The following TMEM94 variants were observed in gnomAD, a reference collection of about 807,000 sequenced individuals.
The protein encoded by TMEM94 is transmembrane protein 94.
Under a neutral mutation model 158.6 loss-of-function variants are expected in TMEM94, and 81 were observed. That is an observed-to-expected ratio of 0.51 (90% CI 0.43 to 0.61). The LOEUF is 0.61. Ranked by LOEUF, TMEM94 falls within the 20% of genes least tolerant of loss-of-function variation. TMEM94 has a pLI of 0.00. For synonymous variants in TMEM94, 751 were observed against 730.7 expected (o/e 1.03, Z -0.45); for missense variants, 1,435 against 1,762.0 (o/e 0.81, Z 3.32).
intron 18 of TMEM94, 58 bp from the exon 19 acceptor site, chr17:75,494,569 C>A (rs1325860723): frequency 6.4e-7 from 1 of 1,568,352 alleles, no homozygotes; most frequent in South Asian, 1.2e-5. Context: ...GTGTGTGTGG[C>A]CCTGGGCTGG....
At position 75,490,774 on chromosome 17, in the gene TMEM94, G is replaced by A. The variant is rs749946241; in HGVS notation, c.1128+16G>A. On this transcript the variant is annotated intron_variant, in intron 11 of 31. Coordinates refer to ENST00000314256, the MANE Select transcript of TMEM94 (RefSeq NM_014738.6). Reference sequence around the variant, plus strand: ...CTCCTCTCAGGTACAACACTGACCCGGGATGGCTTCTCTCGCAGGTCCCTA... The same window carrying A: ...CTCCTCTCAGGTACAACACTGACCCAGGATGGCTTCTCTCGCAGGTCCCTA... 1.2e-4 allele frequency: 194 copies of A among 1,611,772 alleles called. No homozygotes were observed. The highest frequency in any genetic ancestry group is 5.8e-4 in the South Asian group (53 of 91,026).
intron 1 of TMEM94, among the ~76,000 whole-genome samples, chr17:75,468,482 C>T (rs1215592630): frequency 6.6e-6 from 1 of 152,346 alleles, no homozygotes; most frequent in Non-Finnish European, 1.5e-5. Context: ...GAGCTGCAGT[C>T]GTAAGCAGGA....
In TMEM94 at chr17:75,491,921, G is replaced by A. The variant is rs754431879; in HGVS notation, c.1596+21G>A. 2.1e-5 allele frequency: 34 copies of A among 1,594,508 alleles called. No homozygotes were observed. Among genetic ancestry groups the A allele is most frequent in the Middle Eastern group, 1.7e-4 (1 of 5,912 alleles). On this transcript the variant is annotated intron_variant, in intron 14 of 31. Transcript: ENST00000314256. This position sits in a 1 kb window ranked among gnomAD's most constrained non-coding sequence, Gnocchi z 5.1. Reference sequence around the variant, plus strand: ...GCAAGGTGACGGGAGGGGGTGGCACGGGGCAGCCACACCCTCGGCCACAGG... The same window carrying A: ...GCAAGGTGACGGGAGGGGGTGGCACAGGGCAGCCACACCCTCGGCCACAGG...
Position 75,478,313 on chromosome 17 carries a change from G to A in TMEM94, c.24+6384G>A, listed in dbSNP as rs1396441797. Among the ~76,000 whole-genome samples, 30 of 134,788 alleles carry A rather than the reference G, an allele frequency of 2.2e-4. No homozygotes were observed. The East Asian group carries it at 4.3e-3, about 19-fold the overall frequency. The allele number at this position is 134,788 out of a possible 152,430, so 88.4% of individuals were successfully genotyped here. The stretch of plus-strand genomic sequence containing the variant: ...ATTACAGGCGTGAGCCACCGCGCCC[G>A]GCCGAGACTCCATCTTAAAAAAAAA... On this transcript the variant is annotated intron_variant, in intron 2 of 31. Coordinates refer to ENST00000314256, the MANE Select transcript of TMEM94 (RefSeq NM_014738.6).
In TMEM94 at chr17:75,486,382, G is replaced by T. The variant is rs143448418; in HGVS notation, c.365G>T (p.Arg122Leu). The T allele has an allele frequency of 8.1e-5, 131 of 1,614,196 alleles. No homozygotes were observed. The African/African-American group carries it at 1.6e-3, about 20-fold the overall frequency. ...LIGRQDRLKR[R>L]EVERRLRGII... ...GGGCGGCAAGACCGGCTGAAGCGTCGGGAGGTAGAGCGGAGGCTGCGAGGG... is the reference window on the plus strand; with the variant it reads ...GGGCGGCAAGACCGGCTGAAGCGTCTGGAGGTAGAGCGGAGGCTGCGAGGG... The change falls in exon 5 of 32, where the codon CGG becomes CTG. Residue 122 changes from arginine (R) to leucine (L), a missense_variant. Physicochemically the swap from Arg to Leu is moderately radical, Grantham distance 102. Around this residue, in one of 3 missense-constraint regions of TMEM94, gnomAD observed 1,051 missense variants for 1,254.4 expected, o/e 0.84. Coordinates refer to ENST00000314256, the MANE Select transcript of TMEM94 (RefSeq NM_014738.6).
Position 75,495,709 on chromosome 17 carries a change from C to A in TMEM94, c.2944+66C>A. 1 of 1,473,452 alleles carries A rather than the reference C, an allele frequency of 6.8e-7. No homozygotes were observed. The highest frequency in any genetic ancestry group is 9.5e-7 in the Non-Finnish European group (1 of 1,057,848). The allele number at this position is 1,473,452 out of a possible 1,614,324, so 91.3% of individuals were successfully genotyped here. On this transcript the variant is annotated intron_variant, in intron 22 of 31. Transcript: ENST00000314256. This position sits in a 1 kb window ranked among gnomAD's most constrained non-coding sequence, Gnocchi z 5.6. ...GTCGGCTGAGCTCTGCCTGGGCCTG[C>A]GTACCCCGTGGGCTCTGGAGGGATG...
Position 75,499,466 on chromosome 17 carries a change from C to A in TMEM94, c.*132C>A. 1 of 824,172 alleles carries A rather than the reference C, an allele frequency of 1.2e-6. No individual in the cohort carries two copies. 51.1% of individuals were successfully genotyped at this position (824,172 alleles called of 1,614,324 possible). A position where few individuals can be genotyped will look rare whatever the true frequency, so the allele number is the denominator to read the frequency against. Reference sequence around the variant, plus strand: ...ACCCGTGGCACTGGAAACCCAGCTCCCCGTGTCAGACCCCGCTGTCTTCCT... The same window carrying A: ...ACCCGTGGCACTGGAAACCCAGCTCACCGTGTCAGACCCCGCTGTCTTCCT... On this transcript the variant is annotated 3_prime_UTR_variant, in exon 32 of 32. Coordinates refer to ENST00000314256, the MANE Select transcript of TMEM94 (RefSeq NM_014738.6).
intron 1 of TMEM94, among the ~76,000 whole-genome samples, chr17:75,464,859 C>T (rs1041665535): frequency 1.3e-5 from 2 of 151,714 alleles, no homozygotes; most frequent in South Asian, 2.1e-4. Context: ...CAGGTGCAGT[C>T]GGCTGATTTT....
chr17:75,462,960 T>G (rs1488643193), intron 1 of TMEM94, among the ~76,000 whole-genome samples: 2 of 128,010 alleles, frequency 1.6e-5, no homozygotes, highest in Non-Finnish European at 3.1e-5. Context: ...GCCACTGCAC[T>G]CCAGCCTGGG....
Position 75,490,710 on chromosome 17 carries a change from G to A in TMEM94, c.1080G>A (p.Lys360=). Residue 360 remains lysine, a synonymous_variant, in exon 11 of 32, where the codon AAG becomes AAA. Coordinates refer to ENST00000314256, the MANE Select transcript of TMEM94 (RefSeq NM_014738.6). The stretch of plus-strand genomic sequence containing the variant: ...ACCCTCTCTCCGTGCAGCTGGCTAA[G>A]TTCTCAGAGGATACTCTCAGCAGCT... The part of the protein sequence containing the change: ...SKASPSSLLA[K]FSEDTLSSYT... The A allele has an allele frequency of 6.2e-7, 1 of 1,614,120 alleles. No homozygotes were observed. The highest frequency in any genetic ancestry group is 8.5e-7 in the Non-Finnish European group (1 of 1,179,978).
intron 1 of TMEM94, among the ~76,000 whole-genome samples, chr17:75,468,570 C>A (rs987980142): frequency 2.6e-5 from 4 of 152,176 alleles, no homozygotes; most frequent in Admixed American, 1.3e-4. Context: ...AGTTGGCGAC[C>A]AAAGACTGAA....
intron 2 of TMEM94, among the ~76,000 whole-genome samples, chr17:75,480,478 G>A (rs900415215): frequency 2.9e-4 from 44 of 152,216 alleles, no homozygotes; most frequent in African/African-American, 8.4e-4. Flanking sequence ...GGAGCAGAGC[G>A]CAGCTTCAAG....
chr17:75,467,493 C>T (rs2050345252), intron 1 of TMEM94, among the ~76,000 whole-genome samples: 1 of 150,370 alleles, frequency 6.7e-6, no homozygotes, highest in African/African-American at 2.4e-5. Context: ...TTATTTTTTC[C>T]CATCATTATG....
chr17:75,490,096 C>T, intron 9 of TMEM94, 138 bp from the exon 10 acceptor site: 2 of 1,175,534 alleles, frequency 1.7e-6, no homozygotes, highest in South Asian at 1.6e-5. Context: ...AAAAAAAGAA[C>T]ACCTCTTTCC....
chr17:75,472,486 A>G (rs975866718), intron 2 of TMEM94, among the ~76,000 whole-genome samples: 4 of 152,214 alleles, frequency 2.6e-5, no homozygotes, highest in African/African-American at 9.6e-5. Context: ...CTCTCCCTTG[A>G]CAAAGACTGC....
At chr17:75,468,970 C>A (rs2050401518) in intron 1 of TMEM94, among the ~76,000 whole-genome samples, 1 of 152,116 alleles carries the variant, frequency 6.6e-6, no homozygotes, top group Non-Finnish European at 1.5e-5. Flanking sequence ...CTCAAACACA[C>A]CCTGGTCTGA....
At chr17:75,490,092 A>T in intron 9 of TMEM94, 142 bp from the exon 10 acceptor site, 7 of 1,140,786 alleles carry the variant, frequency 6.1e-6, no homozygotes, top group Non-Finnish European at 8.4e-6. Context: ...AAAAAAAAAA[A>T]GAACACCTCT....
chr17:75,499,073 A>C lies in TMEM94; in HGVS notation c.3989A>C (p.His1330Pro). The C allele has an allele frequency of 6.3e-7, 1 of 1,586,206 alleles. No homozygotes were observed. Among genetic ancestry groups the C allele is most frequent in the Non-Finnish European group, 8.6e-7 (1 of 1,165,586 alleles). The change falls in exon 31 of 32, where the codon CAT (histidine) becomes CCT (proline). Residue 1330 changes from histidine to proline, a missense_variant. His to Pro is a moderately conservative substitution (Grantham distance 77). This residue lies in a region of TMEM94 where 335 missense variants were observed against 409.1 expected (regional missense o/e 0.82). Coordinates refer to ENST00000314256, the MANE Select transcript of TMEM94 (RefSeq NM_014738.6). ...VVVTNEIVKL[H>P]EIRVRVRYQK... is the part of the protein sequence containing the mutation. ...GTGACCAATGAGATCGTGAAGCTAC[A>C]TGAGATTCGGTGAGCTGTCAGCAGG... is the stretch of plus-strand genomic sequence containing the variant.
chr17:75,463,170 GTGTGTGTGTA>G (rs773085652), intron 1 of TMEM94, among the ~76,000 whole-genome samples: 4 of 4,826 alleles, frequency 8.3e-4, no homozygotes, highest in Non-Finnish European at 2.4e-3. Flanking sequence ...ATGTGTGTGT[GTGTGTGTGTA>G]TATATATATA....
Sources: allele counts gnomAD v4.1 joint callset (sites outside exome capture counted in the v4.1 genomes callset), GRCh38; gene constraint gnomAD v4.1.1; regional missense constraint gnomAD v4.1.1; non-coding constraint Gnocchi (gnomAD v3.1); transcripts MANE v1.5; gene names NCBI Gene and HGNC (gene_info 2026-07-23, HGNC 2026-07-21).